The following SLC2A13 variants were observed in gnomAD, a reference collection of about 807,000 sequenced individuals.
SLC2A13 encodes solute carrier family 2 member 13, also known as proton myo-inositol cotransporter.
A neutral mutation model predicts 64.4 loss-of-function variants in SLC2A13; 32 were observed. The observed-to-expected ratio is 0.50, with a 90% confidence interval of 0.37 to 0.67. SLC2A13 has a LOEUF of 0.67. SLC2A13 is among the 30% of genes least tolerant of loss of function. The probability of loss-of-function intolerance (pLI) is 0.00; values close to 1 mark genes in which losing one functional copy is unlikely to be tolerated. For missense variants in SLC2A13, 743 were observed against 829.2 expected (o/e 0.90, Z 1.28); for synonymous variants, 338 against 327.1 (o/e 1.03, Z -0.36).
chr12:40,098,014 T>C (rs1939010044), intron 1 of SLC2A13, among the ~76,000 whole-genome samples: 1 of 150,988 alleles, frequency 6.6e-6, no homozygotes, highest in Non-Finnish European at 1.5e-5. Context: ...AAATGCCCTA[T>C]ATATGTGTAT....
intron 3 of SLC2A13, among the ~76,000 whole-genome samples, chr12:39,991,216 TC>T (rs1947133422): frequency 6.6e-6 from 1 of 152,216 alleles, no homozygotes; most frequent in Non-Finnish European, 1.5e-5. Flanking sequence ...AGTTCTCAAA[TC>T]CTTTTCCTCA....
intron 7 of SLC2A13, among the ~76,000 whole-genome samples, chr12:39,785,294 A>G (rs1941145815): frequency 6.6e-6 from 1 of 152,172 alleles, no homozygotes. Flanking sequence ...CTCCAGCCAC[A>G]GCTGAAAGGG....
chr12:39,863,021 A>G (rs1385789157), intron 6 of SLC2A13, among the ~76,000 whole-genome samples: 1 of 152,180 alleles, frequency 6.6e-6, no homozygotes, highest in Non-Finnish European at 1.5e-5. Context: ...CATACTGTCA[A>G]ATTCCCACAA....
chr12:39,812,503 T>C (rs1942206836), intron 7 of SLC2A13, among the ~76,000 whole-genome samples: 1 of 151,728 alleles, frequency 6.6e-6, no homozygotes, highest in Non-Finnish European at 1.5e-5. Flanking sequence ...GATAGATGCT[T>C]GCTCTGTTGC....
At chr12:40,085,911 G>C (rs552205625) in intron 1 of SLC2A13, among the ~76,000 whole-genome samples, 116 of 151,580 alleles carry the variant, frequency 7.7e-4, no homozygotes, top group African/African-American at 2.8e-3. Context: ...GTCTCGCTCT[G>C]TCACCCAGCC....
Position 39,756,501 on chromosome 12 carries a change from A to G in SLC2A13, c.*3525T>C, listed in dbSNP as rs144893751. The G allele has an allele frequency of 6.4e-4, 98 of 151,998 alleles. No individual in the cohort carries two copies. The highest frequency in any genetic ancestry group is 2.2e-3 in the African/African-American group (90 of 41,546). The allele number at this position is 151,998 out of a possible 1,614,324, so 9.4% of individuals were successfully genotyped here. ...TTAATAATTGTGCTGATGAAATAAA[A>G]CCAAAATAACATTCCAACTCTCTCC... On this transcript the variant is annotated 3_prime_UTR_variant, in exon 10 of 10. Transcript: ENST00000280871.
chr12:39,952,695 T>C (rs1592313887), intron 3 of SLC2A13, among the ~76,000 whole-genome samples: 1 of 152,316 alleles, frequency 6.6e-6, no homozygotes, highest in South Asian at 2.1e-4. Flanking sequence ...AAGCTAAATG[T>C]AGTGACGATC....
chr12:39,878,109 T>C (rs974390618), intron 4 of SLC2A13, among the ~76,000 whole-genome samples: 5 of 152,236 alleles, frequency 3.3e-5, no homozygotes, highest in Admixed American at 3.3e-4. Flanking sequence ...CCAGCACCAC[T>C]CTTCCTCAAA....
intron 4 of SLC2A13, among the ~76,000 whole-genome samples, chr12:39,944,624 GCTTTA>G (rs1168398454): frequency 6.6e-6 from 1 of 152,144 alleles, no homozygotes; most frequent in Admixed American, 6.5e-5. Flanking sequence ...AACTGCTATT[GCTTTA>G]AAGTTTGTTT....
chr12:39,764,710 C>A (rs185604157), intron 8 of SLC2A13, 27 bp downstream of exon 8: 2 of 1,605,840 alleles, frequency 1.2e-6, no homozygotes, highest in South Asian at 2.3e-5. Context: ...TCAATTAATG[C>A]AACAGTATAA....
At chr12:39,864,691 TA>T in intron 6 of SLC2A13, 70 bp downstream of exon 6, 2 of 1,579,816 alleles carry the variant, frequency 1.3e-6, no homozygotes, top group Non-Finnish European at 1.7e-6. Flanking sequence ...TCTACAACTT[TA>T]AAAAAGTTAA....
chr12:39,767,201 G>A (rs1940387366), intron 7 of SLC2A13, among the ~76,000 whole-genome samples: 1 of 152,030 alleles, frequency 6.6e-6, no homozygotes, highest in Non-Finnish European at 1.5e-5. Context: ...AATGGATGCT[G>A]TGTTAGCAGG....
At chr12:40,012,710 T>G (rs11174735) in intron 3 of SLC2A13, among the ~76,000 whole-genome samples, 1 of 152,150 alleles carries the variant, frequency 6.6e-6, no homozygotes, top group East Asian at 1.9e-4. Flanking sequence ...AAGCAATAAC[T>G]GTCACAGATA....
chr12:39,984,427 C>G (rs919148542), intron 3 of SLC2A13, among the ~76,000 whole-genome samples: 1 of 151,920 alleles, frequency 6.6e-6, no homozygotes, highest in Non-Finnish European at 1.5e-5. Flanking sequence ...ATAAAAATAA[C>G]TTTAAAAAGT....
chr12:39,930,394 T>C (rs1945805254), intron 4 of SLC2A13, among the ~76,000 whole-genome samples: 1 of 152,086 alleles, frequency 6.6e-6, no homozygotes, highest in Admixed American at 6.6e-5. Context: ...ATGAAAATGG[T>C]ATATATTAAT....
At chr12:40,062,126 C>G (rs796290677) in intron 1 of SLC2A13, among the ~76,000 whole-genome samples, 1 of 151,802 alleles carries the variant, frequency 6.6e-6, no homozygotes, top group Non-Finnish European at 1.5e-5. Flanking sequence ...AAAATTGAAC[C>G]CCTACTTCTT....
intron 3 of SLC2A13, among the ~76,000 whole-genome samples, chr12:39,969,292 T>C (rs1340852194): frequency 4.6e-5 from 7 of 152,236 alleles, no homozygotes; most frequent in Non-Finnish European, 1.5e-5. Context: ...TAGCATGATT[T>C]ATAATCCTTT....
At chr12:39,883,581 A>G (rs951971594) in intron 4 of SLC2A13, among the ~76,000 whole-genome samples, 2 of 152,162 alleles carry the variant, frequency 1.3e-5, no homozygotes, top group African/African-American at 4.8e-5. Context: ...AAAAAAGGGC[A>G]GGTCATGGCA....
intron 2 of SLC2A13, among the ~76,000 whole-genome samples, chr12:40,046,983 C>A (rs978897388): frequency 6.6e-6 from 1 of 151,772 alleles, no homozygotes; most frequent in African/African-American, 2.4e-5. Context: ...CTCACTGCAA[C>A]CTCCGCCTTC....
Sources: allele counts gnomAD v4.1 joint callset (sites outside exome capture counted in the v4.1 genomes callset), GRCh38; gene constraint gnomAD v4.1.1; transcripts MANE v1.5; gene names NCBI Gene and HGNC (gene_info 2026-07-23, HGNC 2026-07-21).